Variants in CFAP97D2 observed in about 807,000 individuals in gnomAD.
CFAP97D2 encodes the protein uncharacterized protein CFAP97D2.
At chr13:114,183,940 G>A (rs2080846174) in intron 1 of CFAP97D2, among the ~76,000 whole-genome samples, 1 of 152,232 alleles carries the variant, frequency 6.6e-6, no homozygotes, top group Non-Finnish European at 1.5e-5. Context: ...TTGAGCCCAG[G>A]AGTTTGAGAC....
chr13:114,213,134 G>A (rs1022323935), intron 4 of CFAP97D2, among the ~76,000 whole-genome samples: 6 of 152,196 alleles, frequency 3.9e-5, no homozygotes, highest in East Asian at 1.9e-4. Flanking sequence ...TCCATCACTC[G>A]CTTTACCTGT....
intron 3 of CFAP97D2, among the ~76,000 whole-genome samples, chr13:114,206,393 G>A (rs545923765): frequency 2.6e-5 from 4 of 152,276 alleles, no homozygotes; most frequent in South Asian, 4.1e-4. Context: ...GTGAGCCACC[G>A]CTCCTGGCCA....
At chr13:114,209,140 G>C (rs1446241616) in intron 3 of CFAP97D2, among the ~76,000 whole-genome samples, 3 of 152,242 alleles carry the variant, frequency 2.0e-5, no homozygotes, top group Admixed American at 6.5e-5. Context: ...ATGGATAATA[G>C]AGAAACATTC....
chr13:114,222,585 C>A (rs2081026234), downstream of CFAP97D2: 1 of 398,252 alleles, frequency 2.5e-6, no homozygotes, highest in Admixed American at 4.4e-5. This position sits in a 1 kb window ranked among gnomAD's most constrained non-coding sequence, Gnocchi z 4.4. Flanking sequence ...GAACACAAAT[C>A]CAGAAAGAAG....
At chr13:114,193,800 G>A (rs1459088046) in intron 1 of CFAP97D2, among the ~76,000 whole-genome samples, 1 of 152,150 alleles carries the variant, frequency 6.6e-6, no homozygotes, top group Non-Finnish European at 1.5e-5. Flanking sequence ...TCAAGGAGTT[G>A]GCAAATGTGT....
Position 114,207,319 on chromosome 13 carries a change from G to A in CFAP97D2, c.291-4593G>A, listed in dbSNP as rs1423974807. Among the ~76,000 whole-genome samples the A allele has an allele frequency of 5.9e-5, 9 of 152,148 alleles. No homozygotes were observed. Among genetic ancestry groups the A allele is most frequent in the South Asian group, 2.1e-4 (1 of 4,822 alleles). On this transcript the variant is annotated intron_variant, in intron 3 of 4. Coordinates refer to ENST00000646158, the Ensembl canonical transcript of CFAP97D2. The surrounding 1 kb of genome is among the most constrained non-coding windows in gnomAD (Gnocchi z 4.9). ...CATGGACAGCGAGGGGAGGGGTCCC[G>A]TTCTTGTGAAGCTTGATATTACATT...
intron 4 of CFAP97D2, among the ~76,000 whole-genome samples, chr13:114,220,005 C>G (rs564540184): frequency 1.3e-5 from 2 of 152,172 alleles, no homozygotes; most frequent in South Asian, 4.2e-4. Context: ...AACAGACCAG[C>G]CACGTACCAA....
intron 2 of CFAP97D2, 147 bp downstream of exon 2, chr13:114,196,623 G>A: frequency 2.5e-6 from 1 of 395,396 alleles, no homozygotes. Context: ...AGCCCCGTCT[G>A]TCCGTGAGGG....
At chr13:114,201,108 T>C (rs2138770487) in intron 3 of CFAP97D2, among the ~76,000 whole-genome samples, 2 of 152,304 alleles carry the variant, frequency 1.3e-5, no homozygotes, top group South Asian at 4.1e-4. Flanking sequence ...TTCATACTCC[T>C]TAAAATCACC....
rs760439424 is a variant in CFAP97D2, at chr13:114,211,441, C to T, written c.291-471C>T. Among the ~76,000 whole-genome samples, 7 of 152,160 alleles carry T rather than the reference C, an allele frequency of 4.6e-5. No homozygotes were observed. The highest frequency in any genetic ancestry group is 1.5e-5 in the Non-Finnish European group (1 of 68,034). ...TGCCAGACTCTGTGCACTGCTAGAC[C>T]CTCCAAAATCCAACCCCTGCCAACC... On this transcript the variant is annotated intron_variant, in intron 3 of 4. Coordinates refer to ENST00000646158, the Ensembl canonical transcript of CFAP97D2. This position sits in a 1 kb window ranked among gnomAD's most constrained non-coding sequence, Gnocchi z 4.2.
intron 4 of CFAP97D2, among the ~76,000 whole-genome samples, chr13:114,216,815 A>T (rs1383436549): frequency 6.6e-6 from 1 of 152,206 alleles, no homozygotes; most frequent in Non-Finnish European, 1.5e-5. Context: ...CAGTAATGGG[A>T]TGACTGGGTC....
intron 1 of CFAP97D2, among the ~76,000 whole-genome samples, chr13:114,191,455 G>C (rs1356072743): frequency 6.6e-6 from 1 of 152,082 alleles, no homozygotes; most frequent in Non-Finnish European, 1.5e-5. Context: ...TAAAAATTAG[G>C]CCAAAGACCT....
Position 114,211,637 on chromosome 13 carries a change from T to A in CFAP97D2, c.291-275T>A, listed in dbSNP as rs890712461. Among the ~76,000 whole-genome samples, 1 of 152,164 alleles carries A rather than the reference T, an allele frequency of 6.6e-6. No individual in the cohort carries two copies. Among genetic ancestry groups the A allele is most frequent in the Non-Finnish European group, 1.5e-5 (1 of 68,028 alleles). ...CCACGCTCAGGAAGCACCGGGAGAC[T>A]TCCCCGCTGTGCCCCATTGTGCTCA... On this transcript the variant is annotated intron_variant, in intron 3 of 4. Transcript: ENST00000646158. The surrounding 1 kb of genome is among the most constrained non-coding windows in gnomAD (Gnocchi z 4.2).
intron 1 of CFAP97D2, among the ~76,000 whole-genome samples, chr13:114,194,036 AG>A (rs1277392951): frequency 6.6e-6 from 1 of 152,266 alleles, no homozygotes; most frequent in African/African-American, 2.4e-5. Context: ...CACCTTTGGA[AG>A]GTACTAAGAA....
At chr13:114,216,028 G>C (rs2080991943) in intron 4 of CFAP97D2, among the ~76,000 whole-genome samples, 1 of 152,218 alleles carries the variant, frequency 6.6e-6, no homozygotes, top group Admixed American at 6.5e-5. Flanking sequence ...CTAGGTATGA[G>C]AGTCAGCACC....
intron 3 of CFAP97D2, among the ~76,000 whole-genome samples, chr13:114,206,089 G>C (rs935372887): frequency 3.3e-5 from 5 of 150,488 alleles, no homozygotes; most frequent in African/African-American, 4.9e-5. Flanking sequence ...AATTACAGTA[G>C]CTTTTTTTCT....
intron 1 of CFAP97D2, among the ~76,000 whole-genome samples, chr13:114,183,034 A>G (rs2080842428): frequency 6.6e-6 from 1 of 152,018 alleles, no homozygotes; most frequent in African/African-American, 2.4e-5. Context: ...TGCTACCTGG[A>G]CTTCTCTTGG....
At chr13:114,184,288 A>G (rs2080847355) in intron 1 of CFAP97D2, among the ~76,000 whole-genome samples, 1 of 152,228 alleles carries the variant, frequency 6.6e-6, no homozygotes, top group Non-Finnish European at 1.5e-5. Context: ...GAATACCAGG[A>G]GAAGAAAGGG....
At chr13:114,222,707 G>A, downstream of CFAP97D2, 1 of 393,546 alleles carries the variant, frequency 2.5e-6, no homozygotes, top group Non-Finnish European at 4.5e-6. This position sits in a 1 kb window ranked among gnomAD's most constrained non-coding sequence, Gnocchi z 4.4. Flanking sequence ...CTTGCCCAGG[G>A]CCGGGGCCAG....
Sources: gnomAD v4.1 joint callset for allele counts (sites outside exome capture counted in the v4.1 genomes callset) on GRCh38, gnomAD v4.1.1 for gene constraint, Gnocchi (gnomAD v3.1) non-coding constraint, MANE v1.5 for transcripts, NCBI Gene and HGNC (gene_info 2026-07-23, HGNC 2026-07-21) for gene names.